CNTNAP5: variants seen among roughly 807,000 people sequenced by gnomAD.
CNTNAP5 encodes contactin associated protein family member 5, also known as contactin-associated protein-like 5.
Under a neutral mutation model 150.2 loss-of-function variants are expected in CNTNAP5, and 72 were observed. The observed-to-expected ratio is 0.48, with a 90% CI of 0.40 to 0.58. The LOEUF is 0.58. Ranked by LOEUF, CNTNAP5 falls within the 20% of genes least tolerant of loss-of-function variation. The pLI, the probability that CNTNAP5 is intolerant of heterozygous loss-of-function variation, is 0.00. For synonymous variants in CNTNAP5, 672 were observed against 619.8 expected (o/e 1.08, Z -1.25); for missense variants, 1,636 against 1,626.2 (o/e 1.01, Z -0.10).
chr2:124,087,349 T>C (rs1177265354), intron 1 of CNTNAP5, among the ~76,000 whole-genome samples: 1 of 151,926 alleles, frequency 6.6e-6, no homozygotes. Context: ...AGTATAGTCA[T>C]TATTTTAGGA....
intron 1 of CNTNAP5, among the ~76,000 whole-genome samples, chr2:124,110,348 A>G (rs1558759154): frequency 6.6e-6 from 1 of 152,168 alleles, no homozygotes; most frequent in Non-Finnish European, 1.5e-5. Context: ...GACTCATATA[A>G]TCGATGAATT....
At chr2:124,723,498 G>A (rs1351158060) in intron 13 of CNTNAP5, among the ~76,000 whole-genome samples, 1 of 152,082 alleles carries the variant, frequency 6.6e-6, no homozygotes, top group Non-Finnish European at 1.5e-5. Context: ...TTCCAAAGCT[G>A]CTCCACATTT....
At chr2:124,252,187 A>C (rs993827778) in intron 3 of CNTNAP5, among the ~76,000 whole-genome samples, 7 of 152,160 alleles carry the variant, frequency 4.6e-5, no homozygotes, top group African/African-American at 1.4e-4. Flanking sequence ...TAAATATGTG[A>C]GAATTTAAGA....
At chr2:124,244,946 A>G (rs1686981340) in intron 3 of CNTNAP5, among the ~76,000 whole-genome samples, 1 of 152,156 alleles carries the variant, frequency 6.6e-6, no homozygotes, top group South Asian at 2.1e-4. Flanking sequence ...CTGGTGGCAA[A>G]ATATTTCACA....
At chr2:124,803,589 A>T (rs1471766687) in intron 19 of CNTNAP5, among the ~76,000 whole-genome samples, 1 of 152,096 alleles carries the variant, frequency 6.6e-6, no homozygotes, top group Admixed American at 6.5e-5. Flanking sequence ...TCCAGCACCA[A>T]ATGGTTTGTC....
chr2:124,320,480 C>T (rs558213745), intron 3 of CNTNAP5, among the ~76,000 whole-genome samples: 1 of 152,282 alleles, frequency 6.6e-6, no homozygotes, highest in East Asian at 1.9e-4. Context: ...CCAAGTCCCG[C>T]ATTTACTGCC....
intron 13 of CNTNAP5, among the ~76,000 whole-genome samples, chr2:124,743,382 C>G (rs80057891): frequency 1.3e-5 from 2 of 152,170 alleles, no homozygotes; most frequent in African/African-American, 4.8e-5. Flanking sequence ...AATCCCGAAT[C>G]TCGTTTCTAG....
At chr2:124,908,738 G>T (rs1050237840) in intron 22 of CNTNAP5, among the ~76,000 whole-genome samples, 1 of 152,058 alleles carries the variant, frequency 6.6e-6, no homozygotes, top group African/African-American at 2.4e-5. Flanking sequence ...ACCTTTCAGT[G>T]GGACAACATG....
chr2:124,623,673 T>C (rs891308636), intron 12 of CNTNAP5, among the ~76,000 whole-genome samples: 7 of 152,176 alleles, frequency 4.6e-5, no homozygotes, highest in African/African-American at 1.7e-4. Context: ...CCTAGATCCT[T>C]CTCCTTATCT....
rs761785663 is a variant in CNTNAP5 at position 124,772,956 on chromosome 2, C to T, written c.2691C>T (p.Ser897=). Residue 897 remains serine, a synonymous_variant, in exon 17 of 24, where the codon AGC becomes AGT. Transcript: ENST00000682447. ...TGCAGGTGGACAACCTTCCAAGGAG[C>T]ACCAGGGAGACGTCGGAGGAGGGCC... The part of the protein sequence containing the change: ...TSLQVDNLPR[S]TRETSEEGHF... The T allele has an allele frequency of 1.9e-6, 3 of 1,613,730 alleles. No homozygotes were observed. The highest frequency in any genetic ancestry group is 1.1e-5 in the South Asian group (1 of 91,082).
Position 124,458,222 on chromosome 2 carries a change from T to A in CNTNAP5, c.918+11285T>A, listed in dbSNP as rs1237929092. 2.1e-5 allele frequency among the ~76,000 whole-genome samples: 3 copies of A among 145,992 alleles called. No homozygotes were observed. In the East Asian group the frequency reaches 5.9e-4, roughly 29 times the overall value. On this transcript the variant is annotated intron_variant, in intron 6 of 23. Coordinates refer to ENST00000682447, the MANE Select transcript of CNTNAP5 (RefSeq NM_001367498.1). ...CTAATATATATATATATAATATATA[T>A]AATAAATATATATTATATATAATAT...
chr2:124,784,410 GT>G (rs1320380612), intron 17 of CNTNAP5, among the ~76,000 whole-genome samples: 5 of 152,286 alleles, frequency 3.3e-5, no homozygotes, highest in African/African-American at 1.2e-4. Flanking sequence ...ACACATGGAG[GT>G]TTTCAAAGAC....
rs115437158 is a variant in CNTNAP5, at chr2:124,658,080, G to A, written c.2077+10122G>A. Among the ~76,000 whole-genome samples, 17 of 152,272 alleles carry A rather than the reference G, an allele frequency of 1.1e-4. No homozygotes were observed. The South Asian group carries it at 1.2e-3, about 11-fold the overall frequency. ...ACCTGGCACCTAGGGACAATTGAGT[G>A]AATAGTTGTTGAATGAATAAAGGGT... On this transcript the variant is annotated intron_variant, in intron 13 of 23. Transcript: ENST00000682447.
intron 13 of CNTNAP5, among the ~76,000 whole-genome samples, chr2:124,688,694 C>T (rs1044970287): frequency 6.6e-6 from 1 of 152,034 alleles, no homozygotes; most frequent in Non-Finnish European, 1.5e-5. Flanking sequence ...AATTACAAAG[C>T]AGAGCTGTGA....
At chr2:124,276,020 T>C (rs937250813) in intron 3 of CNTNAP5, among the ~76,000 whole-genome samples, 3 of 152,108 alleles carry the variant, frequency 2.0e-5, no homozygotes, top group African/African-American at 7.2e-5. Context: ...TATTTGTTTG[T>C]TTTTTTCCCT....
intron 2 of CNTNAP5, among the ~76,000 whole-genome samples, chr2:124,234,393 T>C (rs56103715): frequency 0.13 from 19,328 of 152,250 alleles, 1,321 homozygotes; most frequent in Middle Eastern, 0.3. Flanking sequence ...AGGTATTCAC[T>C]AGCAACACGG....
intron 7 of CNTNAP5, among the ~76,000 whole-genome samples, chr2:124,486,488 A>T (rs561796848): frequency 2.5e-4 from 38 of 152,342 alleles, no homozygotes; most frequent in African/African-American, 8.7e-4. Context: ...AATGCAGGGC[A>T]AAGAAGAGTG....
At chr2:124,106,661 C>A (rs2901195) in intron 1 of CNTNAP5, among the ~76,000 whole-genome samples, 14,134 of 152,234 alleles carry the variant, frequency 0.093, 786 homozygotes, top group Non-Finnish European at 0.13. Flanking sequence ...TGTCCTTGAA[C>A]ATAAATCAGT....
At chr2:124,411,202 C>T (rs1237612241) in intron 3 of CNTNAP5, among the ~76,000 whole-genome samples, 1 of 152,168 alleles carries the variant, frequency 6.6e-6, no homozygotes, top group Admixed American at 6.5e-5. Flanking sequence ...TCTGAATAGA[C>T]CAATAACAGG....
Sources: gnomAD v4.1 joint callset for allele counts (sites outside exome capture counted in the v4.1 genomes callset) on GRCh38, gnomAD v4.1.1 for gene constraint, MANE v1.5 for transcripts, NCBI Gene and HGNC (gene_info 2026-07-23, HGNC 2026-07-21) for gene names.